Variants in LINGO2 observed in about 807,000 individuals in gnomAD.
LINGO2 encodes the protein leucine rich repeat and Ig domain containing 2.
Under a neutral mutation model 30.6 loss-of-function variants are expected in LINGO2, and 14 were observed. That is an observed-to-expected ratio of 0.46 (90% CI 0.30 to 0.72). The LOEUF (loss-of-function observed/expected upper bound fraction) is 0.72. Among genes scored for constraint, LINGO2 ranks in the 30% least tolerant of loss-of-function variants. The pLI, the probability that LINGO2 is intolerant of heterozygous loss-of-function variation, is 0.07. For missense variants in LINGO2, 729 were observed against 751.7 expected, an observed-to-expected ratio of 0.97 and a Z score of 0.35; for synonymous variants, 317 against 288.5, an observed-to-expected ratio of 1.10 and a Z score of -1.00.
chr9:28,966,060 T>G, the LINGO2 span, among the ~76,000 whole-genome samples: 2 of 152,142 alleles, frequency 1.3e-5, no homozygotes, highest in Admixed American at 1.3e-4. Flanking sequence ...AGAGAAAAAT[T>G]TCCTTTCAGC....
chr9:27,962,821 G>C (rs1819912762), intron 5 of LINGO2, among the ~76,000 whole-genome samples: 1 of 152,088 alleles, frequency 6.6e-6, no homozygotes, highest in African/African-American at 2.4e-5. Flanking sequence ...AAAGCAGGAA[G>C]CTAAAATCTA....
the LINGO2 span, among the ~76,000 whole-genome samples, chr9:28,959,233 GA>G: frequency 6.6e-6 from 1 of 152,058 alleles, no homozygotes; most frequent in Non-Finnish European, 1.5e-5. Flanking sequence ...AGAAAACAGA[GA>G]AACGGTCTCA....
At chr9:28,967,205 C>T in the LINGO2 span, among the ~76,000 whole-genome samples, 2 of 152,076 alleles carry the variant, frequency 1.3e-5, no homozygotes, top group Non-Finnish European at 2.9e-5. Flanking sequence ...CAAGGCAGTG[C>T]CCAATTCACA....
chr9:28,194,681 T>C lies in LINGO2; in HGVS notation c.-87+100527A>G, dbSNP rs76980932. ...GAAATGTATGGAAAACAATGTGACA[T>C]AGAAATCAGGAAAAGAAAGAAAAAA... On this transcript the variant is annotated intron_variant, in intron 4 of 5. Transcript: ENST00000379992. Among the ~76,000 whole-genome samples the C allele has an allele frequency of 6.7e-5, 10 of 149,180 alleles. No homozygotes were observed. The East Asian group carries it at 1.4e-3, about 21-fold the overall frequency.
chr9:28,876,310 T>C, the LINGO2 span, among the ~76,000 whole-genome samples: 26 of 152,212 alleles, frequency 1.7e-4, no homozygotes, highest in Admixed American at 1.4e-3. Context: ...GCAGGTTAGT[T>C]ACATATGTAT....
chr9:28,880,823 G>A, the LINGO2 span, among the ~76,000 whole-genome samples: 1 of 152,166 alleles, frequency 6.6e-6, no homozygotes, highest in Non-Finnish European at 1.5e-5. Context: ...AGACATGTTT[G>A]CAGCAATCCT....
chr9:28,954,225 T>C, the LINGO2 span, among the ~76,000 whole-genome samples: 1 of 152,178 alleles, frequency 6.6e-6, no homozygotes, highest in Non-Finnish European at 1.5e-5. Flanking sequence ...TAGCTTTAGT[T>C]TGACTATTAG....
chr9:28,096,971 G>C (rs183505232), intron 4 of LINGO2, among the ~76,000 whole-genome samples: 21 of 151,778 alleles, frequency 1.4e-4, no homozygotes, highest in Admixed American at 6.6e-4. Flanking sequence ...CTTATTTATT[G>C]ATACAATCAT....
chr9:28,931,115 A>C, the LINGO2 span, among the ~76,000 whole-genome samples: 1 of 152,220 alleles, frequency 6.6e-6, no homozygotes, highest in Non-Finnish European at 1.5e-5. Context: ...GTGGCAAATA[A>C]ACTGCCACAA....
At chr9:28,686,021 G>A in the LINGO2 span, among the ~76,000 whole-genome samples, 16 of 151,828 alleles carry the variant, frequency 1.1e-4, no homozygotes, top group Non-Finnish European at 2.2e-4. Flanking sequence ...AAGTGAGAGA[G>A]AGAATCAATA....
At chr9:28,056,924 C>T (rs2133100792) in intron 4 of LINGO2, among the ~76,000 whole-genome samples, 1 of 152,180 alleles carries the variant, frequency 6.6e-6, no homozygotes, top group South Asian at 2.1e-4. Context: ...ATAATTGTCA[C>T]ATAATTTGAT....
At chr9:28,277,182 T>C (rs1406459035) in intron 4 of LINGO2, among the ~76,000 whole-genome samples, 1 of 152,232 alleles carries the variant, frequency 6.6e-6, no homozygotes, top group Non-Finnish European at 1.5e-5. Context: ...TGTCTCTGTG[T>C]CCTACTTTGG....
chr9:28,094,585 G>C (rs186416289), intron 4 of LINGO2, among the ~76,000 whole-genome samples: 186 of 152,042 alleles, frequency 1.2e-3, no homozygotes, highest in Non-Finnish European at 2.2e-3. Flanking sequence ...TTTAGACTAG[G>C]ACAATCTGTT....
At chr9:29,004,487 C>T in the LINGO2 span, among the ~76,000 whole-genome samples, 2 of 151,842 alleles carry the variant, frequency 1.3e-5, no homozygotes, top group Admixed American at 1.3e-4. Context: ...TGTGGCACAA[C>T]ATCATGCTTT....
intron 4 of LINGO2, among the ~76,000 whole-genome samples, chr9:28,173,893 C>G (rs781494292): frequency 6.6e-6 from 1 of 152,082 alleles, no homozygotes; most frequent in Non-Finnish European, 1.5e-5. Flanking sequence ...CTCAACTGGA[C>G]ACAATATTAG....
At chr9:28,498,960 A>G (rs1411444914) in intron 1 of LINGO2, among the ~76,000 whole-genome samples, 1 of 152,182 alleles carries the variant, frequency 6.6e-6, no homozygotes, top group African/African-American at 2.4e-5. Context: ...ATGATATTTT[A>G]CTCAAATACT....
chr9:27,977,246 G>A (rs553320821), intron 5 of LINGO2, among the ~76,000 whole-genome samples: 4 of 151,420 alleles, frequency 2.6e-5, no homozygotes, highest in Admixed American at 2.6e-4. Context: ...AAAGACAAGA[G>A]GAGACATTTC....
At chr9:28,825,568 G>GTT in the LINGO2 span, among the ~76,000 whole-genome samples, 50,495 of 149,936 alleles carry the variant, frequency 0.34, 10,005 homozygotes, top group Non-Finnish European at 0.43. Context: ...TTTGTATCTG[G>GTT]TTTTTTTTTT....
At chr9:29,034,194 T>C in the LINGO2 span, among the ~76,000 whole-genome samples, 1 of 152,174 alleles carries the variant, frequency 6.6e-6, no homozygotes, top group Admixed American at 6.6e-5. Context: ...TTAAAGACTT[T>C]AAATATTGCT....
Sources: gnomAD v4.1 joint callset for allele counts (sites outside exome capture counted in the v4.1 genomes callset) on GRCh38, gnomAD v4.1.1 for gene constraint, MANE v1.5 for transcripts, NCBI Gene and HGNC (gene_info 2026-07-23, HGNC 2026-07-21) for gene names.